The following NCAN variants were observed in gnomAD, a reference collection of about 807,000 sequenced individuals.
NCAN encodes neurocan core protein.
A neutral mutation model predicts 121.8 loss-of-function variants in NCAN; 47 were observed. The observed-to-expected ratio is 0.39, with a 90% confidence interval of 0.31 to 0.49. The LOEUF is 0.49. Among genes scored for constraint, NCAN ranks in the 20% least tolerant of loss-of-function variants. NCAN has a pLI of 0.92. For missense variants in NCAN, 1,517 were observed against 1,773.4 expected (o/e 0.86, Z 2.60); for synonymous variants, 633 against 702.0 (o/e 0.90, Z 1.55).
Position 19,212,033 on chromosome 19 carries a change from C to T in NCAN, c.-39C>T. 4.7e-6 allele frequency: 1 copy of T among 212,308 alleles called. No individual in the cohort carries two copies. Among genetic ancestry groups the T allele is most frequent in the Non-Finnish European group, 1.0e-5 (1 of 99,360 alleles). The allele number at this position is 212,308 out of a possible 1,614,324, so 13.2% of individuals were successfully genotyped here. A position where few individuals can be genotyped will look rare whatever the true frequency, so the allele number is the denominator to read the frequency against. On this transcript the variant is annotated 5_prime_UTR_variant, in exon 1 of 15. Coordinates refer to ENST00000252575, the MANE Select transcript of NCAN (RefSeq NM_004386.3). This position sits in a 1 kb window ranked among gnomAD's most constrained non-coding sequence, Gnocchi z 4.5. ...GCGCAGCGTCCTTTGTGCCCGGCGGCCGCCCCGGGATGCGTCCGAGCTAGG... is the reference window on the plus strand; with the variant it reads ...GCGCAGCGTCCTTTGTGCCCGGCGGTCGCCCCGGGATGCGTCCGAGCTAGG...
Position 19,219,114 on chromosome 19 carries a change from G to A in NCAN, c.273G>A (p.Leu91=), listed in dbSNP as rs891766106. Residue 91 remains leucine, a synonymous_variant, in exon 3 of 15, where the codon TTG becomes TTA. Transcript: ENST00000252575. Reference sequence around the variant, plus strand: ...CTGCGTCGGGCCAGCGACAGGACTTGCCCATCCTGGTGGCCAAGGACAATG... The same window carrying A: ...CTGCGTCGGGCCAGCGACAGGACTTACCCATCCTGGTGGCCAAGGACAATG... ...VRTASGQRQD[L]PILVAKDNVV... is the part of the protein sequence containing the mutation. The A allele has an allele frequency of 1.2e-6, 2 of 1,613,304 alleles. No homozygotes were observed. The highest frequency in any genetic ancestry group is 1.7e-6 in the Non-Finnish European group (2 of 1,179,610).
intron 3 of NCAN, 63 bp downstream of exon 3, chr19:19,219,379 C>T (rs1008196510): frequency 1.4e-6 from 2 of 1,408,528 alleles, no homozygotes; most frequent in Admixed American, 2.6e-5. Flanking sequence ...CTGGAGCCCA[C>T]CCACTGAATG....
At chr19:19,213,460 T>C (rs985749998) in intron 1 of NCAN, among the ~76,000 whole-genome samples, 2 of 115,948 alleles carry the variant, frequency 1.7e-5, no homozygotes, top group African/African-American at 3.4e-5. Context: ...GCCGTGTGAG[T>C]GAGGAGCTAT....
chr19:19,212,960 T>C lies in NCAN; in HGVS notation c.-8+896T>C, dbSNP rs912156914. Among the ~76,000 whole-genome samples the C allele has an allele frequency of 3.9e-5, 6 of 152,124 alleles. No individual in the cohort carries two copies. The highest frequency in any genetic ancestry group is 6.5e-5 in the Admixed American group (1 of 15,278). On this transcript the variant is annotated intron_variant, in intron 1 of 14. Transcript: ENST00000252575. This position sits in a 1 kb window ranked among gnomAD's most constrained non-coding sequence, Gnocchi z 4.5. ...TCCATATGGACACATGTGGAAGCGCTGGCTTGGTTTGGGGGCACAGGGGCT... is the reference window on the plus strand; with the variant it reads ...TCCATATGGACACATGTGGAAGCGCCGGCTTGGTTTGGGGGCACAGGGGCT...
At position 19,220,198 on chromosome 19, in the gene NCAN, A is replaced by G. The variant is rs532360907; in HGVS notation, c.475+882A>G. ...GTCTCACTCTTGTTGCCCAGGCTGG[A>G]GTGCAGTGGTGCTATCTAAGCTCAC... On this transcript the variant is annotated intron_variant, in intron 3 of 14. Coordinates refer to ENST00000252575, the MANE Select transcript of NCAN (RefSeq NM_004386.3). Among the ~76,000 whole-genome samples, 9 of 152,064 alleles carry G rather than the reference A, an allele frequency of 5.9e-5. No homozygotes were observed. In the South Asian group the frequency reaches 1.9e-3, roughly 32 times the overall value.
At position 19,212,517 on chromosome 19, in the gene NCAN, G is replaced by C. The variant is rs1034725544; in HGVS notation, c.-8+453G>C. ...AATTTGCGGTTGAATGGAGGATTCC[G>C]GGCCGGACTGCAGTGGGGAGGGGGC... On this transcript the variant is annotated intron_variant, in intron 1 of 14. Coordinates refer to ENST00000252575, the MANE Select transcript of NCAN (RefSeq NM_004386.3). The surrounding 1 kb of genome is among the most constrained non-coding windows in gnomAD (Gnocchi z 4.5). Among the ~76,000 whole-genome samples, 1 of 151,226 alleles carries C rather than the reference G, an allele frequency of 6.6e-6. No individual in the cohort carries two copies.
At position 19,225,218 on chromosome 19, in the gene NCAN, C is replaced by T. The variant is rs780573620; in HGVS notation, c.1020C>T (p.Asn340=). Residue 340 remains asparagine, a synonymous_variant, in exon 6 of 15, where the codon AAC becomes AAT. Transcript: ENST00000252575. The surrounding 1 kb of genome is among the most constrained non-coding windows in gnomAD (Gnocchi z 4.0). ...PGVRTVYRFA[N]RTGFPSPAER... is the part of the protein sequence containing the mutation. ...TGCGCACCGTCTACCGCTTCGCTAACCGGACCGGCTTCCCCTCACCCGCCG... is the reference window on the plus strand; with the variant it reads ...TGCGCACCGTCTACCGCTTCGCTAATCGGACCGGCTTCCCCTCACCCGCCG... The T allele has an allele frequency of 8.9e-6, 14 of 1,573,540 alleles. No homozygotes were observed. The Admixed American group carries it at 2.1e-4, about 24-fold the overall frequency.
chr19:19,242,902 A>G (rs2060909122), intron 12 of NCAN, among the ~76,000 whole-genome samples: 1 of 152,124 alleles, frequency 6.6e-6, no homozygotes. Flanking sequence ...TTGGAGGCCA[A>G]GGTGGGTGGA....
chr19:19,240,657 A>T lies in NCAN; in HGVS notation c.3464A>T (p.Asp1155Val). ...CTGAACGACAGGATCGTGGAGAGAG[A>T]TTTCCAGTGGACGGACAACACCGGG... ...IGLNDRIVERDFQWTDNTGLQ... is the reference protein window; with the variant it reads ...IGLNDRIVERVFQWTDNTGLQ... Residue 1155 changes from aspartate (D) to valine (V), a missense_variant, in exon 12 of 15, where the codon GAT becomes GTT. Asp to Val is a radical substitution (Grantham distance 152). Coordinates refer to ENST00000252575, the MANE Select transcript of NCAN (RefSeq NM_004386.3). 6.2e-7 allele frequency: 1 copy of T among 1,614,040 alleles called. No individual in the cohort carries two copies.
rs1407429531 is a variant in NCAN at position 19,225,177 on chromosome 19, G to A, written c.979G>A (p.Gly327Ser). Residue 327 changes from glycine (G) to serine (S), a missense_variant, in exon 6 of 15, where the codon GGC (glycine) becomes AGC (serine). Coordinates refer to ENST00000252575, the MANE Select transcript of NCAN (RefSeq NM_004386.3). The surrounding 1 kb of genome is among the most constrained non-coding windows in gnomAD (Gnocchi z 4.0). ...PIQTPRRRCG[G>S]PAPGVRTVYR... ...CCAGACGCCGCGCCGGCGCTGCGGG[G>A]GCCCAGCCCCGGGCGTGCGCACCGT... 1.3e-6 allele frequency: 2 copies of A among 1,539,596 alleles called. No homozygotes were observed. Among genetic ancestry groups the A allele is most frequent in the South Asian group, 1.2e-5 (1 of 84,128 alleles).
Position 19,235,039 on chromosome 19 carries a change from G to A in NCAN, c.3193G>A (p.Val1065Ile), listed in dbSNP as rs1343924156. ...GAATGGAGGCACCTGTATTGATGAG[G>A]TCAATGGCTTTGTCTGCCTTTGCCT... is the stretch of plus-strand genomic sequence containing the variant. Reference protein sequence around the residue: ...CENGGTCIDEVNGFVCLCLPS... With the variant: ...CENGGTCIDEINGFVCLCLPS... The change falls in exon 10 of 15, where the codon GTC (valine) becomes ATC (isoleucine). Residue 1065 changes from valine (V) to isoleucine (I), a missense_variant. Val to Ile is a conservative substitution (Grantham distance 29, BLOSUM62 3). Coordinates refer to ENST00000252575, the MANE Select transcript of NCAN (RefSeq NM_004386.3). The A allele has an allele frequency of 6.2e-7, 1 of 1,613,152 alleles. No homozygotes were observed. The highest frequency in any genetic ancestry group is 8.5e-7 in the Non-Finnish European group (1 of 1,179,308).
At chr19:19,229,807 A>T (rs1334808900) in intron 8 of NCAN, among the ~76,000 whole-genome samples, 1 of 152,130 alleles carries the variant, frequency 6.6e-6, no homozygotes, top group Admixed American at 6.6e-5. Flanking sequence ...GCTGCGTGTG[A>T]TGGCTCATGC....
chr19:19,238,038 G>A (rs1599819811), intron 10 of NCAN, among the ~76,000 whole-genome samples: 1 of 151,432 alleles, frequency 6.6e-6, no homozygotes, highest in East Asian at 1.9e-4. Flanking sequence ...GTGAGACCCT[G>A]TCCAAAAAAA....
chr19:19,230,946 A>G (rs1264527033), intron 8 of NCAN, among the ~76,000 whole-genome samples: 15 of 140,622 alleles, frequency 1.1e-4, no homozygotes, highest in Non-Finnish European at 4.6e-5. Context: ...GGGTCTCCCT[A>G]TGTTATCCAG....
At position 19,219,200 on chromosome 19, in the gene NCAN, G is replaced by A. The variant is rs772797830; in HGVS notation, c.359G>A (p.Arg120Gln). The A allele has an allele frequency of 3.1e-5, 50 of 1,610,956 alleles. No individual in the cohort carries two copies. Among genetic ancestry groups the A allele is most frequent in the Non-Finnish European group, 4.1e-5 (48 of 1,179,968 alleles). Reference sequence around the variant, plus strand: ...TCACTGCCTTCCTACCCCCGGCGCCGAGCCAACGCCACGCTACTTCTGGGG... The same window carrying A: ...TCACTGCCTTCCTACCCCCGGCGCCAAGCCAACGCCACGCTACTTCTGGGG... ...RVSLPSYPRR[R>Q]ANATLLLGPL... Residue 120 changes from arginine (R) to glutamine (Q), a missense_variant, in exon 3 of 15, where the codon CGA becomes CAA. By Grantham distance (43) the Arg-to-Gln change is conservative (BLOSUM62 1). Coordinates refer to ENST00000252575, the MANE Select transcript of NCAN (RefSeq NM_004386.3).
intron 3 of NCAN, among the ~76,000 whole-genome samples, chr19:19,219,555 C>G (rs559486828): frequency 6.8e-6 from 1 of 148,104 alleles, no homozygotes; most frequent in Non-Finnish European, 1.5e-5. Context: ...ATTAGCCAGG[C>G]ATGGTGGCAC....
Position 19,226,771 on chromosome 19 carries a change from C to T in NCAN, c.1358C>T (p.Pro453Leu). The part of the protein sequence containing the change: ...TGEVWLSTVA[P>L]SPSDMGAGTA... Reference sequence around the variant, plus strand: ...GAAGTGTGGCTAAGCACGGTGGCCCCCAGCCCTAGCGACATGGGGGCAGGC... The same window carrying T: ...GAAGTGTGGCTAAGCACGGTGGCCCTCAGCCCTAGCGACATGGGGGCAGGC... The change falls in exon 7 of 15, where the codon CCC (proline) becomes CTC (leucine). Residue 453 changes from proline (P) to leucine (L), a missense_variant. Coordinates refer to ENST00000252575, the MANE Select transcript of NCAN (RefSeq NM_004386.3). The T allele has an allele frequency of 6.8e-6, 11 of 1,613,398 alleles. No homozygotes were observed. Among genetic ancestry groups the T allele is most frequent in the Non-Finnish European group, 9.3e-6 (11 of 1,179,932 alleles).
chr19:19,248,591 C>T, intron 13 of NCAN, 109 bp from the exon 14 acceptor site: 2 of 1,158,898 alleles, frequency 1.7e-6, no homozygotes, highest in South Asian at 1.5e-5. Flanking sequence ...CGCCACTGCA[C>T]TCCAGTCTGG....
rs764171699 is a variant in NCAN, at chr19:19,233,827, G to A, written c.3058G>A (p.Gly1020Arg). The change falls in exon 9 of 15, where the codon GGA becomes AGA. Residue 1020 changes from glycine to arginine, a missense_variant. Transcript: ENST00000252575. ...CTGTGAGAACAACCCTTGTCTTCATGGAGGGACATGTAATGCCAATGGCAC... is the reference window on the plus strand; with the variant it reads ...CTGTGAGAACAACCCTTGTCTTCATAGAGGGACATGTAATGCCAATGGCAC... ...DPCENNPCLH[G>R]GTCNANGTMY... is the part of the protein sequence containing the mutation. The A allele has an allele frequency of 2.5e-6, 4 of 1,613,884 alleles. No homozygotes were observed. The highest frequency in any genetic ancestry group is 3.4e-6 in the Non-Finnish European group (4 of 1,179,900).
Sources: gnomAD v4.1 joint callset for allele counts (sites outside exome capture counted in the v4.1 genomes callset) on GRCh38, gnomAD v4.1.1 for gene constraint, Gnocchi (gnomAD v3.1) non-coding constraint, MANE v1.5 for transcripts, NCBI Gene and HGNC (gene_info 2026-07-23, HGNC 2026-07-21) for gene names.